Variants in UTRN observed in about 807,000 individuals in gnomAD.
UTRN encodes dystrophin-related protein 1.
UTRN carries 283 observed loss-of-function variants against 463.9 expected under a neutral mutation model. The observed-to-expected ratio is 0.61, with a 90% CI of 0.55 to 0.67. The LOEUF (loss-of-function observed/expected upper bound fraction) is 0.67. Among genes scored for constraint, UTRN ranks in the 30% least tolerant of loss-of-function variants. The pLI is 0.00. For synonymous variants in UTRN, 1,442 were observed against 1,431.5 expected, an observed-to-expected ratio of 1.01 and a Z score of -0.17; for missense variants, 3,922 against 4,084.3, an observed-to-expected ratio of 0.96 and a Z score of 1.08.
chr6:144,332,100 G>A (rs1776375175), intron 2 of UTRN, among the ~76,000 whole-genome samples: 1 of 152,136 alleles, frequency 6.6e-6, no homozygotes, highest in South Asian at 2.1e-4. Flanking sequence ...CTGGGATTGG[G>A]CATTGGATGA....
chr6:144,482,261 A>G lies in UTRN; in HGVS notation c.3560A>G (p.Asp1187Gly), dbSNP rs761011673. 2 of 1,607,178 alleles carry G rather than the reference A, an allele frequency of 1.2e-6. No homozygotes were observed. Among genetic ancestry groups the G allele is most frequent in the Non-Finnish European group, 1.7e-6 (2 of 1,177,826 alleles). ...QKEVRVKILK[D>G]NIKLLAAKVP... ...GAGGTGAGAGTGAAGATTCTCAAGG[A>G]CAACATCAAGTTATTAGCTGCCAAG... Residue 1187 changes from aspartate to glycine, a missense_variant, in exon 27 of 75, where the codon GAC becomes GGC. By Grantham distance (94) the Asp-to-Gly change is moderately conservative (BLOSUM62 -1). Transcript: ENST00000367545.
Position 144,421,965 on chromosome 6 carries a change from T to C in UTRN, c.229T>C (p.Ser77Pro). The C allele has an allele frequency of 6.2e-7, 1 of 1,609,710 alleles. No individual in the cohort carries two copies. The highest frequency in any genetic ancestry group is 1.3e-5 in the African/African-American group (1 of 74,828). The change falls in exon 4 of 75, where the codon TCA (serine) becomes CCA (proline). Residue 77 changes from serine to proline, a missense_variant. Around this residue, in one of 3 missense-constraint regions of UTRN, gnomAD observed 264 missense variants for 327.9 expected, o/e 0.81. Transcript: ENST00000367545. ...TCTTCTAGAAGGCCTCACAGGAACA[T>C]CACTGGTGAGCAAGTCATCTTTGTA... The part of the protein sequence containing the change: ...LDLLEGLTGT[S>P]LPKERGSTRV...
chr6:144,637,836 A>T (rs1478284521), intron 51 of UTRN, among the ~76,000 whole-genome samples: 2 of 152,118 alleles, frequency 1.3e-5, no homozygotes, highest in Non-Finnish European at 2.9e-5. Flanking sequence ...TGCCTACGAT[A>T]GCCTCCACTT....
At chr6:144,535,999 C>T (rs898130928) in intron 43 of UTRN, among the ~76,000 whole-genome samples, 2 of 152,124 alleles carry the variant, frequency 1.3e-5, no homozygotes, top group South Asian at 2.1e-4. Context: ...AGGCTGGTCT[C>T]GAACTCCTAG....
At chr6:144,540,855 G>A (rs762545715) in intron 45 of UTRN, among the ~76,000 whole-genome samples, 1 of 152,318 alleles carries the variant, frequency 6.6e-6, no homozygotes, top group Non-Finnish European at 1.5e-5. Flanking sequence ...ATGGCTATGT[G>A]TGATAAGGCA....
chr6:144,530,431 G>A (rs1451701895), intron 41 of UTRN, among the ~76,000 whole-genome samples: 1 of 152,058 alleles, frequency 6.6e-6, no homozygotes, highest in Non-Finnish European at 1.5e-5. Flanking sequence ...GTGGGGTTAG[G>A]GCTTCAACAT....
chr6:144,760,186 A>C (rs1346644080), intron 58 of UTRN, among the ~76,000 whole-genome samples: 1 of 152,102 alleles, frequency 6.6e-6, no homozygotes, highest in Non-Finnish European at 1.5e-5. Flanking sequence ...CAAAATGTTT[A>C]TAATTTTGGA....
chr6:144,730,587 A>G (rs560587515), intron 54 of UTRN, 101 bp downstream of exon 54: 2 of 1,278,744 alleles, frequency 1.6e-6, no homozygotes, highest in South Asian at 2.2e-5. Flanking sequence ...AGGATCTAAT[A>G]TTTAAATCTT....
intron 33 of UTRN, among the ~76,000 whole-genome samples, chr6:144,497,645 C>T (rs1264352697): frequency 6.6e-6 from 1 of 150,974 alleles, no homozygotes; most frequent in East Asian, 1.9e-4. Flanking sequence ...TGTGCCACTG[C>T]ACTCCAGCCT....
At position 144,754,740 on chromosome 6, in the gene UTRN, T is replaced by C; in HGVS notation, c.8376T>C (p.Leu2792=). Residue 2792 remains leucine, a synonymous_variant, in exon 57 of 75, where the codon CTT becomes CTC. Coordinates refer to ENST00000367545, the MANE Select transcript of UTRN (RefSeq NM_007124.3). ...TGCAGGTTTCTGTGGATGATCGCCT[T>C]AAACAGCTTCAGGAAGCCCACAGAG... The part of the protein sequence containing the change: ...KLLQVSVDDR[L]KQLQEAHRDF... 1 of 1,613,676 alleles carries C rather than the reference T, an allele frequency of 6.2e-7. No homozygotes were observed. Among genetic ancestry groups the C allele is most frequent in the Non-Finnish European group, 8.5e-7 (1 of 1,179,746 alleles).
chr6:144,316,336 A>G (rs1285128023), intron 2 of UTRN, among the ~76,000 whole-genome samples: 1 of 152,254 alleles, frequency 6.6e-6, no homozygotes, highest in Non-Finnish European at 1.5e-5. Flanking sequence ...GTTGTTGCCA[A>G]TTGAGTTGAA....
intron 54 of UTRN, among the ~76,000 whole-genome samples, chr6:144,732,233 T>TACAC (rs1788644716): frequency 3.3e-5 from 1 of 29,924 alleles, no homozygotes; most frequent in African/African-American, 1.2e-4. Flanking sequence ...TATATATATA[T>TACAC]ATATACATAT....
chr6:144,482,411 G>A lies in UTRN; in HGVS notation c.3687+23G>A, dbSNP rs4310077. Reference sequence around the variant, plus strand: ...GAGGTATGCTATTATTATTATTGTTGTTATTATTATTATTATTATTATTAT... The same window carrying A: ...GAGGTATGCTATTATTATTATTGTTATTATTATTATTATTATTATTATTAT... On this transcript the variant is annotated intron_variant, in intron 27 of 74. Transcript: ENST00000367545. The A allele has an allele frequency of 0.18, 174,582 of 993,856 alleles. 16,166 individuals are homozygous for A. The highest frequency in any genetic ancestry group is 0.29 in the African/African-American group (14,855 of 51,616). 61.6% of individuals were successfully genotyped at this position (993,856 alleles called of 1,614,324 possible).
chr6:144,287,321 A>T (rs1328772441), intron 1 of UTRN, among the ~76,000 whole-genome samples: 1 of 152,118 alleles, frequency 6.6e-6, no homozygotes, highest in East Asian at 1.9e-4. Context: ...GGCTCTGTAA[A>T]CAGTATTAAT....
At chr6:144,774,656 C>T (rs1261085685) in intron 60 of UTRN, among the ~76,000 whole-genome samples, 1 of 152,068 alleles carries the variant, frequency 6.6e-6, no homozygotes, top group African/African-American at 2.4e-5. Flanking sequence ...AGGATTAAAT[C>T]AAAGAAAGTA....
At chr6:144,451,687 GTTT>G (rs60974172) in intron 18 of UTRN, among the ~76,000 whole-genome samples, 194 bp downstream of exon 18, 1 of 146,172 alleles carries the variant, frequency 6.8e-6, no homozygotes, top group Admixed American at 6.9e-5. Context: ...TTTGGAGGAC[GTTT>G]TTTTTTTTTC....
chr6:144,356,663 A>G (rs1378610965), intron 2 of UTRN, among the ~76,000 whole-genome samples: 1 of 152,176 alleles, frequency 6.6e-6, no homozygotes, highest in East Asian at 1.9e-4. Context: ...AATTACAAAA[A>G]TTAGTTGGGT....
At chr6:144,400,610 G>A (rs1782856549) in intron 2 of UTRN, among the ~76,000 whole-genome samples, 1 of 152,162 alleles carries the variant, frequency 6.6e-6, no homozygotes. Flanking sequence ...AGAAGTATGT[G>A]TGTTTGTATG....
At chr6:144,346,591 C>G (rs940691866) in intron 2 of UTRN, among the ~76,000 whole-genome samples, 5 of 152,144 alleles carry the variant, frequency 3.3e-5, no homozygotes, top group African/African-American at 1.2e-4. Context: ...GAGCCCGAGG[C>G]GGGCAGATCA....
Sources: allele counts gnomAD v4.1 joint callset (sites outside exome capture counted in the v4.1 genomes callset), GRCh38; gene constraint gnomAD v4.1.1; regional missense constraint gnomAD v4.1.1; transcripts MANE v1.5; gene names NCBI Gene and HGNC (gene_info 2026-07-23, HGNC 2026-07-21).